Variants in EPHB1 observed in about 807,000 individuals in gnomAD.
EPHB1 encodes the protein ephrin type-B receptor 1.
Under a neutral mutation model 94.4 loss-of-function variants are expected in EPHB1, and 30 were observed. That is an observed-to-expected ratio of 0.32 (90% confidence interval 0.24 to 0.43). EPHB1 has a LOEUF of 0.43. Among genes scored for constraint, EPHB1 ranks in the 20% least tolerant of loss-of-function variants. EPHB1 has a pLI of 1.00. For missense variants in EPHB1, 1,055 were observed against 1,308.3 expected (o/e 0.81, Z 2.99); for synonymous variants, 522 against 489.1 (o/e 1.07, Z -0.89).
chr3:134,901,636 G>T (rs2038206789), intron 1 of EPHB1, among the ~76,000 whole-genome samples: 1 of 152,250 alleles, frequency 6.6e-6, no homozygotes, highest in African/African-American at 2.4e-5. Context: ...GCTACAGCCA[G>T]CAGGGCAAGA....
chr3:135,127,300 T>A (rs1940243808), intron 4 of EPHB1, among the ~76,000 whole-genome samples: 1 of 152,204 alleles, frequency 6.6e-6, no homozygotes, highest in Non-Finnish European at 1.5e-5. Context: ...ATTCTGTAAG[T>A]GGTCATGCAC....
chr3:134,828,250 G>C (rs1052811573), intron 1 of EPHB1, among the ~76,000 whole-genome samples: 40 of 152,314 alleles, frequency 2.6e-4, no homozygotes, highest in African/African-American at 7.9e-4. Flanking sequence ...TGCAGCAAAG[G>C]ATGTAGGTAA....
intron 3 of EPHB1, among the ~76,000 whole-genome samples, chr3:135,103,380 A>C (rs1269008275): frequency 6.6e-6 from 1 of 152,188 alleles, no homozygotes; most frequent in East Asian, 1.9e-4. Flanking sequence ...TCCAGGATTT[A>C]TTTGCCCACT....
chr3:134,875,088 C>T (rs1022119745), intron 1 of EPHB1, among the ~76,000 whole-genome samples: 1 of 152,166 alleles, frequency 6.6e-6, no homozygotes, highest in Non-Finnish European at 1.5e-5. Context: ...GAACTCATCT[C>T]TGAAGGAACT....
chr3:135,039,611 C>T lies in EPHB1; in HGVS notation c.806-66837C>T, dbSNP rs185608942. ...CTAAGGCCCGGCGAGAAATCGAGCA[C>T]AGCGCCAGTGGGCCGGCACTGCTGG... On this transcript the variant is annotated intron_variant, in intron 3 of 15. Transcript: ENST00000398015. 1.9e-3 allele frequency among the ~76,000 whole-genome samples: 283 copies of T among 152,364 alleles called. 2 individuals are homozygous for T. In the East Asian group the frequency reaches 0.026, roughly 14 times the overall value.
chr3:135,009,218 C>T (rs561447350), intron 3 of EPHB1, among the ~76,000 whole-genome samples: 1 of 152,272 alleles, frequency 6.6e-6, no homozygotes, highest in African/African-American at 2.4e-5. Context: ...GGATTCAGTT[C>T]CCTCTGACTC....
intron 1 of EPHB1, among the ~76,000 whole-genome samples, chr3:134,802,266 CT>C (rs1353305082): frequency 2.0e-5 from 3 of 150,438 alleles, no homozygotes; most frequent in Non-Finnish European, 4.4e-5. Context: ...GAAACCCCAT[CT>C]CTGCTAAAAA....
chr3:135,002,200 A>T lies in EPHB1; in HGVS notation c.805+50148A>T, dbSNP rs1425271749. ...TGTCCCCACCCAAATCTCCTCTCAAATTGTAATCTCCATGGGTCCAGAGAG... is the reference window on the plus strand; with the variant it reads ...TGTCCCCACCCAAATCTCCTCTCAATTTGTAATCTCCATGGGTCCAGAGAG... On this transcript the variant is annotated intron_variant, in intron 3 of 15. Coordinates refer to ENST00000398015, the MANE Select transcript of EPHB1 (RefSeq NM_004441.5). Among the ~76,000 whole-genome samples, 4 of 152,156 alleles carry T rather than the reference A, an allele frequency of 2.6e-5. No individual in the cohort carries two copies. In the East Asian group the frequency reaches 7.7e-4, roughly 29 times the overall value.
chr3:135,245,329 T>A (rs750467869), intron 13 of EPHB1, among the ~76,000 whole-genome samples: 7 of 152,124 alleles, frequency 4.6e-5, no homozygotes, highest in African/African-American at 1.7e-4. Flanking sequence ...GGAACTTGGA[T>A]TTGAAACCAG....
At chr3:134,929,342 A>G (rs1411821671) in intron 2 of EPHB1, among the ~76,000 whole-genome samples, 1 of 152,160 alleles carries the variant, frequency 6.6e-6, no homozygotes, top group Non-Finnish European at 1.5e-5. Flanking sequence ...TTGAGAGGGC[A>G]CAAAAGGAAC....
intron 1 of EPHB1, among the ~76,000 whole-genome samples, chr3:134,838,766 G>A (rs1023678684): frequency 6.6e-6 from 1 of 152,230 alleles, no homozygotes; most frequent in Non-Finnish European, 1.5e-5. Flanking sequence ...TCTTAAGTTT[G>A]GTGATGAGCT....
At chr3:135,007,893 C>A (rs113407934) in intron 3 of EPHB1, among the ~76,000 whole-genome samples, 1 of 152,152 alleles carries the variant, frequency 6.6e-6, no homozygotes, top group African/African-American at 2.4e-5. Context: ...CAGCACCAGG[C>A]GATGACATCC....
At chr3:134,956,096 G>A (rs1243093450) in intron 3 of EPHB1, among the ~76,000 whole-genome samples, 1 of 152,092 alleles carries the variant, frequency 6.6e-6, no homozygotes, top group African/African-American at 2.4e-5. Context: ...GGAAGGGGAG[G>A]AGGCTGGGGC....
At chr3:135,025,196 A>G (rs1409512567) in intron 3 of EPHB1, among the ~76,000 whole-genome samples, 2 of 103,108 alleles carry the variant, frequency 1.9e-5, no homozygotes, top group East Asian at 1.1e-3. Flanking sequence ...AAGGTTACAA[A>G]GAATATTTAT....
chr3:134,933,523 C>T (rs79090082), intron 2 of EPHB1, among the ~76,000 whole-genome samples: 10,030 of 151,836 alleles, frequency 0.066, 651 homozygotes, highest in Admixed American at 0.21. Flanking sequence ...ATATAGGGAA[C>T]GGAAAGATGA....
intron 3 of EPHB1, among the ~76,000 whole-genome samples, chr3:135,080,595 G>A (rs1282926667): frequency 1.3e-5 from 2 of 152,010 alleles, no homozygotes; most frequent in Non-Finnish European, 2.9e-5. Flanking sequence ...GGTGTGAGAG[G>A]GGTTCAGAGA....
chr3:134,798,398 C>T (rs1462336624), intron 1 of EPHB1, among the ~76,000 whole-genome samples: 2 of 152,086 alleles, frequency 1.3e-5, no homozygotes, highest in Non-Finnish European at 2.9e-5. Context: ...GGAGGGGGCT[C>T]AAATTCTCAT....
chr3:134,922,618 C>T (rs946601289), intron 1 of EPHB1, among the ~76,000 whole-genome samples: 1 of 152,188 alleles, frequency 6.6e-6, no homozygotes, highest in Admixed American at 6.5e-5. Flanking sequence ...TGATTCTGGA[C>T]TCTGTTTTCC....
chr3:134,799,208 T>C (rs2035889135), intron 1 of EPHB1, among the ~76,000 whole-genome samples: 1 of 152,184 alleles, frequency 6.6e-6, no homozygotes, highest in Admixed American at 6.5e-5. Flanking sequence ...ATTACACGTT[T>C]GTGGTGGAAA....
Sources: gnomAD v4.1 joint callset for allele counts (sites outside exome capture counted in the v4.1 genomes callset) on GRCh38, gnomAD v4.1.1 for gene constraint, MANE v1.5 for transcripts, NCBI Gene and HGNC (gene_info 2026-07-23, HGNC 2026-07-21) for gene names.